CDH23: variants seen among roughly 807,000 people sequenced by gnomAD.
The protein encoded by CDH23 is cadherin-23.
In CDH23, 189 loss-of-function variants were observed where a neutral mutation model predicts 317.1. The observed-to-expected ratio is 0.60, with a 90% CI of 0.53 to 0.67. The LOEUF (loss-of-function observed/expected upper bound fraction) is 0.67. Among genes scored for constraint, CDH23 ranks in the 30% least tolerant of loss-of-function variants. The probability of loss-of-function intolerance (pLI) is 0.00; values close to 1 mark genes in which losing one functional copy is unlikely to be tolerated. For synonymous variants in CDH23, 1,839 were observed against 1,876.8 expected (o/e 0.98, Z 0.52); for missense variants, 4,401 against 4,592.4 (o/e 0.96, Z 1.20).
intron 3 of CDH23, among the ~76,000 whole-genome samples, chr10:71,471,932 T>C (rs904197287): frequency 6.6e-6 from 1 of 152,214 alleles, no homozygotes; most frequent in African/African-American, 2.4e-5. Context: ...TTTCCCCCAA[T>C]AGGTGGTAAT....
intron 9 of CDH23, among the ~76,000 whole-genome samples, chr10:71,583,784 A>C (rs971752916): frequency 6.6e-6 from 1 of 152,180 alleles, no homozygotes; most frequent in African/African-American, 2.4e-5. Context: ...TTATCCCTCA[A>C]AACAGTCTAT....
chr10:71,620,113 C>T (rs139731715), intron 11 of CDH23, among the ~76,000 whole-genome samples: 8 of 152,242 alleles, frequency 5.3e-5, no homozygotes, highest in Admixed American at 2.0e-4. Context: ...GCAGGTCCCT[C>T]GGTCCCTGCA....
chr10:71,510,867 G>A, intron 4 of CDH23, 87 bp from the exon 5 acceptor site: 1 of 1,320,180 alleles, frequency 7.6e-7, no homozygotes, highest in Non-Finnish European at 1.1e-6. Context: ...GGGCAATCCT[G>A]GAGCCCCTCC....
intron 69 of CDH23, 59 bp from the exon 70 acceptor site, chr10:71,814,893 T>A: frequency 6.6e-7 from 1 of 1,515,452 alleles, no homozygotes; most frequent in Non-Finnish European, 8.9e-7. Context: ...TCTGGGGCCA[T>A]CCACCTGCTC....
At chr10:71,511,325 A>G (rs1313808901) in intron 6 of CDH23, 113 bp downstream of exon 6, 2 of 996,488 alleles carry the variant, frequency 2.0e-6, no homozygotes, top group East Asian at 4.9e-5. Flanking sequence ...TTCTGCCCAG[A>G]CCTCAGCCCA....
intron 30 of CDH23, among the ~76,000 whole-genome samples, chr10:71,726,647 A>G (rs2132809406): frequency 6.6e-6 from 1 of 152,368 alleles, no homozygotes; most frequent in Admixed American, 6.5e-5. Flanking sequence ...GGACATGCAC[A>G]TAGCCATGCT....
intron 14 of CDH23, among the ~76,000 whole-genome samples, chr10:71,652,107 C>A (rs1194997000): frequency 6.6e-6 from 1 of 152,202 alleles, no homozygotes; most frequent in Non-Finnish European, 1.5e-5. Context: ...CCTGAAAAGT[C>A]CTGACTGGGC....
chr10:71,761,745 C>G lies in CDH23; in HGVS notation c.4846-15935C>G. The G allele has an allele frequency of 2.5e-6, 4 of 1,614,122 alleles. No homozygotes were observed. In the South Asian group the frequency reaches 4.4e-5, roughly 18 times the overall value. On this transcript the variant is annotated intron_variant, in intron 38 of 69. Coordinates refer to ENST00000224721, the MANE Select transcript of CDH23 (RefSeq NM_022124.6). The stretch of plus-strand genomic sequence containing the variant: ...GAGAAGTTGCCATGGTGGTCGGAGG[C>G]CGACTCCAGCCCGTGGCGCTGAGCC...
At chr10:71,789,996 A>G (rs935975577) in intron 45 of CDH23, among the ~76,000 whole-genome samples, 1 of 152,188 alleles carries the variant, frequency 6.6e-6, no homozygotes, top group Non-Finnish European at 1.5e-5. Context: ...CCTCCCGAGG[A>G]GCGGCCAGCC....
chr10:71,660,231 C>T (rs1863591767), intron 14 of CDH23, among the ~76,000 whole-genome samples: 1 of 152,120 alleles, frequency 6.6e-6, no homozygotes, highest in Admixed American at 6.5e-5. Context: ...AGTGAGTGAG[C>T]CACCGCGCCC....
At chr10:71,403,339 C>CTTTA (rs1239636878) in intron 1 of CDH23, among the ~76,000 whole-genome samples, 1 of 44,298 alleles carries the variant, frequency 2.3e-5, no homozygotes, top group Non-Finnish European at 4.2e-5. Context: ...TTCTTTCTTT[C>CTTTA]TTTCTTTCTT....
At chr10:71,503,123 T>C (rs1853430962) in intron 3 of CDH23, among the ~76,000 whole-genome samples, 1 of 152,264 alleles carries the variant, frequency 6.6e-6, no homozygotes, top group Admixed American at 6.5e-5. Context: ...AGATGTGGAC[T>C]GCTGCTGAGG....
intron 2 of CDH23, among the ~76,000 whole-genome samples, chr10:71,443,724 A>G (rs912464739): frequency 6.6e-6 from 1 of 152,058 alleles, no homozygotes; most frequent in Non-Finnish European, 1.5e-5. Context: ...CGAAGAAATC[A>G]CCCCCTGCCC....
chr10:71,438,647 A>T (rs565313208), intron 1 of CDH23, among the ~76,000 whole-genome samples: 1 of 152,260 alleles, frequency 6.6e-6, no homozygotes, highest in African/African-American at 2.4e-5. Context: ...GAGATGTGGA[A>T]GTCTCTCCAA....
intron 14 of CDH23, among the ~76,000 whole-genome samples, chr10:71,651,612 G>A (rs1160458763): frequency 6.6e-6 from 1 of 151,864 alleles, no homozygotes; most frequent in Non-Finnish European, 1.5e-5. Flanking sequence ...CGTGGCTGGA[G>A]TACAGTGAGG....
chr10:71,799,429 G>A, intron 51 of CDH23, 63 bp from the exon 52 acceptor site: 1 of 1,611,576 alleles, frequency 6.2e-7, no homozygotes, highest in Non-Finnish European at 8.5e-7. Context: ...TGAGTTCTAG[G>A]GCTGTGCTCG....
Position 71,785,531 on chromosome 10 carries a change from A to G in CDH23, c.5713-100A>G. 2 of 789,536 alleles carry G rather than the reference A, an allele frequency of 2.5e-6. 1 individual carries two copies. Among genetic ancestry groups the G allele is most frequent in the South Asian group, 3.2e-5 (2 of 62,968 alleles). The allele number at this position is 789,536 out of a possible 1,614,324, so 48.9% of individuals were successfully genotyped here. On this transcript the variant is annotated intron_variant, in intron 43 of 69. Transcript: ENST00000224721. ...TTTTTGGCCTTCTAGATCATCTCTTAGGCAATTTAGGGAGGCCAAGCAGAG... is the reference window on the plus strand; with the variant it reads ...TTTTTGGCCTTCTAGATCATCTCTTGGGCAATTTAGGGAGGCCAAGCAGAG...
At chr10:71,707,274 G>A (rs1865827749) in intron 26 of CDH23, 2 of 1,439,574 alleles carry the variant, frequency 1.4e-6, no homozygotes, top group African/African-American at 1.4e-5. Flanking sequence ...GGGACCTCCT[G>A]AACCTGTTGG....
chr10:71,565,755 C>G (rs1464971789), intron 6 of CDH23, among the ~76,000 whole-genome samples: 1 of 152,310 alleles, frequency 6.6e-6, no homozygotes, highest in East Asian at 1.9e-4. Flanking sequence ...ATATGATTAG[C>G]TTCAGTGTAC....
Sources: allele counts gnomAD v4.1 joint callset (sites outside exome capture counted in the v4.1 genomes callset), GRCh38; gene constraint gnomAD v4.1.1; transcripts MANE v1.5; gene names NCBI Gene and HGNC (gene_info 2026-07-23, HGNC 2026-07-21).